Variants in FMN1 observed in about 807,000 individuals in gnomAD.
The protein encoded by FMN1 is formin 1, also known as formin-1.
A neutral mutation model predicts 132.4 loss-of-function variants in FMN1; 110 were observed. That is an observed-to-expected ratio of 0.83 (90% CI 0.71 to 0.97). FMN1 has a LOEUF of 0.97. Among genes scored for constraint, FMN1 ranks in the 50% least tolerant of loss-of-function variants. The pLI, the probability that FMN1 is intolerant of heterozygous loss-of-function variation, is 0.00. For synonymous variants in FMN1, 722 were observed against 651.7 expected (o/e 1.11, Z -1.64); for missense variants, 1,792 against 1,705.3 (o/e 1.05, Z -0.90).
intron 6 of FMN1, among the ~76,000 whole-genome samples, chr15:33,023,997 TG>T (rs2035545797): frequency 6.6e-6 from 1 of 152,066 alleles, no homozygotes; most frequent in Non-Finnish European, 1.5e-5. Context: ...AGAAGACATT[TG>T]CAAAGCATAT....
chr15:32,876,748 T>C (rs1053733129), intron 16 of FMN1, among the ~76,000 whole-genome samples: 1 of 152,190 alleles, frequency 6.6e-6, no homozygotes, highest in African/African-American at 2.4e-5. Context: ...AAAAATACAG[T>C]AGGGAAATTA....
At chr15:33,095,491 G>C (rs1191967138) in intron 4 of FMN1, among the ~76,000 whole-genome samples, 1 of 152,146 alleles carries the variant, frequency 6.6e-6, no homozygotes, top group Non-Finnish European at 1.5e-5. Flanking sequence ...GGCCTCCTGT[G>C]CTCAGCAATC....
intron 10 of FMN1, among the ~76,000 whole-genome samples, chr15:32,917,289 C>G (rs1171001736): frequency 1.3e-5 from 2 of 152,204 alleles, no homozygotes; most frequent in Non-Finnish European, 2.9e-5. Context: ...CAACCTATAC[C>G]TTGTGTTTCT....
intron 5 of FMN1, among the ~76,000 whole-genome samples, chr15:33,082,053 G>T (rs2604189): frequency 0.26 from 34,758 of 134,260 alleles, 4,481 homozygotes; most frequent in Admixed American, 0.34. Context: ...GTGTGTGTGT[G>T]TAAGACGGAG....
chr15:32,882,069 G>A (rs2059784456), intron 16 of FMN1, among the ~76,000 whole-genome samples: 1 of 152,176 alleles, frequency 6.6e-6, no homozygotes, highest in African/African-American at 2.4e-5. Context: ...GGTGGAAGGA[G>A]AGAGACTACA....
chr15:32,999,970 T>A (rs989566006), intron 7 of FMN1, among the ~76,000 whole-genome samples: 3 of 152,218 alleles, frequency 2.0e-5, no homozygotes, highest in Non-Finnish European at 4.4e-5. Context: ...CTACAGAGTT[T>A]CACTTACCTT....
In FMN1 at chr15:32,912,508, C is replaced by G. The variant is rs144255659; in HGVS notation, c.3227-1973G>C. On this transcript the variant is annotated intron_variant, in intron 10 of 20. Transcript: ENST00000616417. ...TGAAATTTATATCCCAGTCTGGGGA[C>G]AGAAAATAAACAAGTAAATACATAA... Among the ~76,000 whole-genome samples the G allele has an allele frequency of 1.1e-3, 170 of 152,140 alleles. 1 individual carries two copies. The highest frequency in any genetic ancestry group is 4.0e-3 in the African/African-American group (164 of 41,518).
chr15:33,051,597 G>A (rs1596556960), intron 6 of FMN1, among the ~76,000 whole-genome samples: 3 of 152,202 alleles, frequency 2.0e-5, no homozygotes, highest in African/African-American at 7.2e-5. Flanking sequence ...TAAGATCTCA[G>A]GAGTTGGGTG....
intron 16 of FMN1, among the ~76,000 whole-genome samples, chr15:32,858,970 C>A (rs56136064): frequency 6.6e-6 from 1 of 152,016 alleles, no homozygotes; most frequent in African/African-American, 2.4e-5. Context: ...GTCCAAGGAG[C>A]GAGAGAGTAG....
At chr15:33,020,901 T>C (rs961698457) in intron 6 of FMN1, among the ~76,000 whole-genome samples, 1 of 152,268 alleles carries the variant, frequency 6.6e-6, no homozygotes, top group African/African-American at 2.4e-5. Flanking sequence ...TATGTTAATG[T>C]GAACGACTGG....
chr15:33,038,709 T>G (rs1217847994), intron 6 of FMN1, among the ~76,000 whole-genome samples: 1 of 152,236 alleles, frequency 6.6e-6, no homozygotes, highest in Non-Finnish European at 1.5e-5. Flanking sequence ...ATCCTTACTT[T>G]AAGTCCCTGG....
intron 6 of FMN1, among the ~76,000 whole-genome samples, chr15:33,048,872 G>C (rs1596551085): frequency 6.6e-6 from 1 of 152,046 alleles, no homozygotes; most frequent in African/African-American, 2.4e-5. Context: ...TCTCCCACCA[G>C]GTCCCTCCCA....
At chr15:33,062,878 G>A (rs1380994466) in intron 6 of FMN1, 4 of 152,150 alleles carry the variant, frequency 2.6e-5, no homozygotes, top group African/African-American at 9.7e-5. Flanking sequence ...TTAAAATGAA[G>A]TAGTTTTCTA....
intron 19 of FMN1, among the ~76,000 whole-genome samples, chr15:32,792,997 T>C (rs1309891461): frequency 6.6e-6 from 1 of 152,140 alleles, no homozygotes; most frequent in African/African-American, 2.4e-5. Flanking sequence ...CAAGACGTTA[T>C]CCTTACTGAG....
chr15:32,979,289 T>C (rs2032452298), intron 7 of FMN1, among the ~76,000 whole-genome samples: 1 of 151,852 alleles, frequency 6.6e-6, no homozygotes, highest in South Asian at 2.1e-4. Flanking sequence ...GGCATGGTGG[T>C]TCACACCTGT....
chr15:33,126,519 G>A (rs930661108), intron 4 of FMN1, among the ~76,000 whole-genome samples: 2 of 152,034 alleles, frequency 1.3e-5, no homozygotes, highest in African/African-American at 4.8e-5. Context: ...CTTATTCGCT[G>A]AGTACCTCCA....
chr15:32,885,584 A>G (rs1267827516), intron 16 of FMN1, among the ~76,000 whole-genome samples: 1 of 152,220 alleles, frequency 6.6e-6, no homozygotes, highest in Non-Finnish European at 1.5e-5. Context: ...TGCAGAATTA[A>G]AAGAGGTGAT....
intron 9 of FMN1, among the ~76,000 whole-genome samples, chr15:32,945,374 C>T (rs959557167): frequency 6.6e-6 from 1 of 152,116 alleles, no homozygotes; most frequent in East Asian, 1.9e-4. Flanking sequence ...GAAAGCCAAT[C>T]CCAAGTATAC....
At position 32,884,262 on chromosome 15, in the gene FMN1, T is replaced by G. The variant is rs545324942; in HGVS notation, c.3835+3910A>C. ...ACTCAAGGTGCTGACAGGGCTGTAC[T>G]CCCTTTTAGAGGCTCTAGGGAGAAT... On this transcript the variant is annotated intron_variant, in intron 16 of 20. Coordinates refer to ENST00000616417, the MANE Select transcript of FMN1 (RefSeq NM_001277313.2). Among the ~76,000 whole-genome samples, 4 of 152,330 alleles carry G rather than the reference T, an allele frequency of 2.6e-5. No homozygotes were observed. In the East Asian group the frequency reaches 7.7e-4, roughly 29 times the overall value.
Sources: gnomAD v4.1 joint callset for allele counts (sites outside exome capture counted in the v4.1 genomes callset) on GRCh38, gnomAD v4.1.1 for gene constraint, MANE v1.5 for transcripts, NCBI Gene and HGNC (gene_info 2026-07-23, HGNC 2026-07-21) for gene names.